The following ROBO1 variants were observed in gnomAD, a reference collection of about 807,000 sequenced individuals.
The protein encoded by ROBO1 is roundabout guidance receptor 1.
Under a neutral mutation model 195.9 loss-of-function variants are expected in ROBO1, and 149 were observed. The observed-to-expected ratio is 0.76, with a 90% CI of 0.67 to 0.87. The LOEUF is 0.87. Among genes scored for constraint, ROBO1 ranks in the 40% least tolerant of loss-of-function variants. The pLI, the probability that ROBO1 is intolerant of heterozygous loss-of-function variation, is 0.00. For synonymous variants in ROBO1, 816 were observed against 733.2 expected, an observed-to-expected ratio of 1.11 and a Z score of -1.82; for missense variants, 1,933 against 2,068.3, an observed-to-expected ratio of 0.93 and a Z score of 1.27.
At chr3:79,425,513 G>A (rs2038409183) in intron 2 of ROBO1, among the ~76,000 whole-genome samples, 1 of 152,090 alleles carries the variant, frequency 6.6e-6, no homozygotes, top group Non-Finnish European at 1.5e-5. Flanking sequence ...GAAAGCAGAT[G>A]AAAAGACAAG....
At chr3:79,267,753 T>G (rs1383579078) in intron 2 of ROBO1, among the ~76,000 whole-genome samples, 1 of 151,506 alleles carries the variant, frequency 6.6e-6, no homozygotes, top group Non-Finnish European at 1.5e-5. Context: ...TTTGTTGTTA[T>G]TTTAAGTCTT....
At chr3:78,854,270 C>T (rs1268290771) in intron 4 of ROBO1, among the ~76,000 whole-genome samples, 3 of 147,490 alleles carry the variant, frequency 2.0e-5, no homozygotes, top group African/African-American at 7.4e-5. Flanking sequence ...ATATTATATA[C>T]ATAATCAATA....
At chr3:79,331,502 A>G (rs2034437062) in intron 2 of ROBO1, among the ~76,000 whole-genome samples, 1 of 152,210 alleles carries the variant, frequency 6.6e-6, no homozygotes, top group Non-Finnish European at 1.5e-5. Flanking sequence ...TTTTTAAAAA[A>G]TAAGTGTTTA....
intron 2 of ROBO1, among the ~76,000 whole-genome samples, chr3:79,559,155 G>T (rs1267468362): frequency 6.6e-6 from 1 of 152,128 alleles, no homozygotes; most frequent in African/African-American, 2.4e-5. Context: ...TAAAGCAATT[G>T]TCTAGCTCTA....
chr3:79,289,374 A>G (rs1195247365), intron 2 of ROBO1, among the ~76,000 whole-genome samples: 2 of 152,174 alleles, frequency 1.3e-5, no homozygotes. Flanking sequence ...TGGGGGTTTT[A>G]TGTGTGAGAG....
chr3:79,066,992 G>A (rs571346262), intron 3 of ROBO1, among the ~76,000 whole-genome samples: 1 of 151,920 alleles, frequency 6.6e-6, no homozygotes, highest in South Asian at 2.1e-4. Context: ...AATATTGCCA[G>A]GAAATGCATA....
At chr3:79,209,345 T>C (rs1244531969) in intron 2 of ROBO1, among the ~76,000 whole-genome samples, 2 of 152,206 alleles carry the variant, frequency 1.3e-5, no homozygotes, top group Admixed American at 1.3e-4. Flanking sequence ...GCCTGAGTAG[T>C]ATTCCATGGT....
chr3:79,186,638 G>A (rs965121599), intron 2 of ROBO1, among the ~76,000 whole-genome samples: 8 of 152,020 alleles, frequency 5.3e-5, no homozygotes, highest in African/African-American at 1.2e-4. Flanking sequence ...CACCCTTCTT[G>A]TAAGTGAGGT....
intron 4 of ROBO1, among the ~76,000 whole-genome samples, chr3:78,842,531 T>TTTTATATATATGAGCCATATATA (rs1276442988): frequency 8.8e-6 from 1 of 113,720 alleles, no homozygotes; most frequent in African/African-American, 3.4e-5. Flanking sequence ...CCATATATAT[T>TTTTATATATATGAGCCATATATA]TTTATATATA....
At chr3:78,630,996 A>G (rs1705145145) in intron 25 of ROBO1, among the ~76,000 whole-genome samples, 165 bp downstream of exon 25, 1 of 152,168 alleles carries the variant, frequency 6.6e-6, no homozygotes, top group African/African-American at 2.4e-5. Flanking sequence ...TGGAAGCAGC[A>G]AGGAGAATTT....
At chr3:78,687,168 C>T (rs2081070638) in intron 9 of ROBO1, among the ~76,000 whole-genome samples, 1 of 152,058 alleles carries the variant, frequency 6.6e-6, no homozygotes, top group Non-Finnish European at 1.5e-5. Context: ...TTAAATGAAT[C>T]ATCAAAATAT....
In ROBO1 at chr3:79,523,663, G is replaced by A. The variant is rs34115477; in HGVS notation, c.88+66161C>T. On this transcript the variant is annotated intron_variant, in intron 2 of 30. Coordinates refer to ENST00000464233, the MANE Select transcript of ROBO1 (RefSeq NM_002941.4). ...AATTTTTTCTATTTTTAGTAGAGAC[G>A]GGGTTTCACCATGTTGGTCAGGCTG... is the stretch of plus-strand genomic sequence containing the variant. 1.1e-3 allele frequency among the ~76,000 whole-genome samples: 160 copies of A among 151,656 alleles called. 1 individual carries two copies. The highest frequency in any genetic ancestry group is 1.8e-3 in the Non-Finnish European group (125 of 67,892).
At chr3:79,633,040 A>G (rs966261328) in intron 1 of ROBO1, among the ~76,000 whole-genome samples, 17 of 152,308 alleles carry the variant, frequency 1.1e-4, no homozygotes, top group Admixed American at 1.1e-3. Flanking sequence ...GCTATGAATC[A>G]GAAGGGAAAT....
intron 2 of ROBO1, among the ~76,000 whole-genome samples, chr3:79,329,780 C>A (rs998091868): frequency 6.6e-6 from 1 of 152,132 alleles, no homozygotes; most frequent in African/African-American, 2.4e-5. Flanking sequence ...TAGTAAATCT[C>A]AAGCAACGTA....
chr3:79,721,719 G>A (rs1476374008), intron 1 of ROBO1, among the ~76,000 whole-genome samples: 1 of 152,202 alleles, frequency 6.6e-6, no homozygotes, highest in Non-Finnish European at 1.5e-5. Flanking sequence ...ACCCTAATTA[G>A]TGGTGTCGAG....
chr3:78,930,523 T>C (rs546554449), intron 4 of ROBO1, among the ~76,000 whole-genome samples: 7 of 152,310 alleles, frequency 4.6e-5, no homozygotes, highest in African/African-American at 1.4e-4. Context: ...GGGATGGTGA[T>C]GGGATGAAGC....
At chr3:79,001,109 C>T (rs997448232) in intron 3 of ROBO1, among the ~76,000 whole-genome samples, 9 of 151,606 alleles carry the variant, frequency 5.9e-5, no homozygotes, top group Non-Finnish European at 8.8e-5. Flanking sequence ...CATCACACAC[C>T]GGGGCCTGTC....
rs776106896 is a variant in ROBO1 at position 78,617,788 on chromosome 3, C to T, written c.4129G>A (p.Ala1377Thr). 1.2e-6 allele frequency: 2 copies of T among 1,613,902 alleles called. No homozygotes were observed. The highest frequency in any genetic ancestry group is 1.7e-6 in the Non-Finnish European group (2 of 1,179,846). ...TGSMINGWGS[A>T]SEEDNISSGR... ...CTGGAAATGTTGTCCTCCTCTGAGG[C>T]TGAGCCCCAGCCGTTGATCATGGAC... Residue 1377 changes from alanine (A) to threonine (T), a missense_variant, in exon 27 of 31, where the codon GCC becomes ACC. Transcript: ENST00000464233.
intron 2 of ROBO1, among the ~76,000 whole-genome samples, chr3:79,314,068 A>G (rs1340498324): frequency 6.6e-6 from 1 of 152,178 alleles, no homozygotes; most frequent in East Asian, 1.9e-4. Context: ...GACTGACACT[A>G]TAGAGATTGT....
Sources: gnomAD v4.1 joint callset for allele counts (sites outside exome capture counted in the v4.1 genomes callset) on GRCh38, gnomAD v4.1.1 for gene constraint, MANE v1.5 for transcripts, NCBI Gene and HGNC (gene_info 2026-07-23, HGNC 2026-07-21) for gene names.